GBE1: variants seen among roughly 807,000 people sequenced by gnomAD.
GBE1 encodes the protein 1,4-alpha-glucan-branching enzyme.
Under a neutral mutation model 88.8 loss-of-function variants are expected in GBE1, and 70 were observed. The observed-to-expected ratio is 0.79, with a 90% CI of 0.65 to 0.96. GBE1 has a LOEUF of 0.96. Among genes scored for constraint, GBE1 ranks in the 40% least tolerant of loss-of-function variants. The pLI, the probability that GBE1 is intolerant of heterozygous loss-of-function variation, is 0.00. For synonymous variants in GBE1, 284 were observed against 300.1 expected (o/e 0.95, Z 0.56); for missense variants, 872 against 871.0 (o/e 1.00, Z -0.01).
chr3:81,536,824 G>T, intron 13 of GBE1, 87 bp downstream of exon 13: 1 of 1,018,850 alleles, frequency 9.8e-7, no homozygotes, highest in Non-Finnish European at 1.4e-6. Flanking sequence ...CTGTTTAAAA[G>T]ATCTGCATAG....
intron 1 of GBE1, among the ~76,000 whole-genome samples, chr3:81,753,149 T>C (rs1706554826): frequency 6.6e-6 from 1 of 152,210 alleles, no homozygotes; most frequent in African/African-American, 2.4e-5. Context: ...GTAAGATGTA[T>C]AACATATTTT....
intron 7 of GBE1, among the ~76,000 whole-genome samples, chr3:81,608,689 C>T (rs1233546448): frequency 1.3e-5 from 2 of 152,126 alleles, no homozygotes; most frequent in African/African-American, 4.8e-5. Flanking sequence ...TGGCTGCTGG[C>T]AGTCTGCATG....
rs562513880 is a variant in GBE1 at position 81,616,101 on chromosome 3, G to A, written c.993-22078C>T. ...ATGATTATTTTAATTGTAGCGTTTT[G>A]ACACATTTATGTATTGTGGATTTGA... On this transcript the variant is annotated intron_variant, in intron 7 of 15. Coordinates refer to ENST00000429644, the MANE Select transcript of GBE1 (RefSeq NM_000158.4). 7.9e-5 allele frequency among the ~76,000 whole-genome samples: 12 copies of A among 152,134 alleles called. No homozygotes were observed. The South Asian group carries it at 2.3e-3, about 29-fold the overall frequency.
chr3:81,636,232 C>T (rs1704589884), intron 7 of GBE1, among the ~76,000 whole-genome samples: 1 of 152,128 alleles, frequency 6.6e-6, no homozygotes, highest in Non-Finnish European at 1.5e-5. Flanking sequence ...GCTAACTCTA[C>T]TTTATTTGAA....
At chr3:81,596,502 G>A (rs1460457634) in intron 7 of GBE1, among the ~76,000 whole-genome samples, 2 of 151,710 alleles carry the variant, frequency 1.3e-5, no homozygotes, top group African/African-American at 2.4e-5. Context: ...GTCTTATAAG[G>A]GTAACATTTT....
intron 14 of GBE1, among the ~76,000 whole-genome samples, chr3:81,511,050 G>A (rs1177749793): frequency 2.0e-5 from 3 of 151,764 alleles, no homozygotes; most frequent in Non-Finnish European, 4.4e-5. Context: ...TATCAGTTAT[G>A]CTTTAAAACA....
intron 1 of GBE1, among the ~76,000 whole-genome samples, chr3:81,745,235 TATA>T (rs1377602211): frequency 6.6e-6 from 1 of 152,204 alleles, no homozygotes; most frequent in African/African-American, 2.4e-5. Context: ...CCTTTTTACC[TATA>T]ATAAGAGTTA....
intron 14 of GBE1, among the ~76,000 whole-genome samples, chr3:81,510,530 A>G (rs1396343167): frequency 6.6e-6 from 1 of 152,070 alleles, no homozygotes; most frequent in Non-Finnish European, 1.5e-5. Context: ...GTCTTTCCTG[A>G]GCACTTCTGG....
rs35138103 is a variant in GBE1 at position 81,659,502 on chromosome 3, ATTT to A, written c.430-9584_430-9582del. 1.8e-4 allele frequency among the ~76,000 whole-genome samples: 23 copies of A among 127,032 alleles called. 1 individual carries two copies. The highest frequency in any genetic ancestry group is 5.1e-4 in the South Asian group (2 of 3,932). 83.3% of individuals were successfully genotyped at this position (127,032 alleles called of 152,430 possible). A position where few individuals can be genotyped will look rare whatever the true frequency, so the allele number is the denominator to read the frequency against. ...AGGTGCATGCCACCACGCCCGGCTAATTTTTTTTTTTTTTTTTTTGTATTTTTA... is the reference window on the plus strand; with the variant it reads ...AGGTGCATGCCACCACGCCCGGCTAATTTTTTTTTTTTTTTTGTATTTTTA... On this transcript the variant is annotated intron_variant, in intron 3 of 15. Coordinates refer to ENST00000429644, the MANE Select transcript of GBE1 (RefSeq NM_000158.4).
chr3:81,609,251 C>T (rs1205980486), intron 7 of GBE1, among the ~76,000 whole-genome samples: 1 of 152,106 alleles, frequency 6.6e-6, no homozygotes, highest in Admixed American at 6.5e-5. Context: ...AATATGCCTA[C>T]GTGGCCAATT....
intron 14 of GBE1, among the ~76,000 whole-genome samples, chr3:81,501,553 T>C (rs1343374480): frequency 6.6e-6 from 1 of 152,080 alleles, no homozygotes; most frequent in Non-Finnish European, 1.5e-5. Context: ...TTCTCACTAA[T>C]AGTAGAGATG....
At chr3:81,690,931 A>G (rs941757202) in intron 2 of GBE1, among the ~76,000 whole-genome samples, 1 of 152,154 alleles carries the variant, frequency 6.6e-6, no homozygotes, top group African/African-American at 2.4e-5. Flanking sequence ...ATGAATTAGT[A>G]AAGAAACACA....
chr3:81,672,142 A>G (rs948897895), intron 2 of GBE1, among the ~76,000 whole-genome samples: 1 of 152,026 alleles, frequency 6.6e-6, no homozygotes, highest in African/African-American at 2.4e-5. Context: ...TAAAAATATC[A>G]TCTAGTCAGC....
chr3:81,658,217 A>G (rs1447593854), intron 3 of GBE1, among the ~76,000 whole-genome samples: 2 of 152,156 alleles, frequency 1.3e-5, no homozygotes, highest in Non-Finnish European at 2.9e-5. Flanking sequence ...CTAACAAATC[A>G]TAATTTTAAA....
chr3:81,643,494 C>T (rs1704721276), intron 6 of GBE1, among the ~76,000 whole-genome samples: 2 of 152,100 alleles, frequency 1.3e-5, no homozygotes. Context: ...TGTCACCACC[C>T]AAGTAAATAA....
At chr3:81,586,447 A>G (rs1703804140) in intron 9 of GBE1, among the ~76,000 whole-genome samples, 1 of 152,216 alleles carries the variant, frequency 6.6e-6, no homozygotes, top group African/African-American at 2.4e-5. Context: ...AACACAAAAT[A>G]GCAAAACTGT....
At chr3:81,521,012 T>G (rs985228919) in intron 14 of GBE1, among the ~76,000 whole-genome samples, 1 of 151,546 alleles carries the variant, frequency 6.6e-6, no homozygotes, top group Non-Finnish European at 1.5e-5. Flanking sequence ...TTTGAAGAGA[T>G]AGTTAAAAGC....
chr3:81,533,804 A>G (rs1415846528), intron 14 of GBE1, among the ~76,000 whole-genome samples: 2 of 152,068 alleles, frequency 1.3e-5, no homozygotes, highest in Admixed American at 1.3e-4. Context: ...GCACAAAAAA[A>G]TCTGTTTGCA....
At chr3:81,737,013 C>T (rs1277083340) in intron 1 of GBE1, among the ~76,000 whole-genome samples, 1 of 151,746 alleles carries the variant, frequency 6.6e-6, no homozygotes, top group African/African-American at 2.4e-5. Context: ...ACATTGGTGG[C>T]TTTGGACTAA....
Sources: allele counts gnomAD v4.1 joint callset (sites outside exome capture counted in the v4.1 genomes callset), GRCh38; gene constraint gnomAD v4.1.1; transcripts MANE v1.5; gene names NCBI Gene and HGNC (gene_info 2026-07-23, HGNC 2026-07-21).